OTOG: variants seen among roughly 807,000 people sequenced by gnomAD.
The protein encoded by OTOG is otogelin.
OTOG carries 296 observed loss-of-function variants against 313.8 expected under a neutral mutation model. The ratio of observed to expected loss-of-function variants is 0.94; its 90% CI spans 0.86 to 1.04. OTOG has a LOEUF of 1.04. Among genes scored for constraint, OTOG ranks in the 50% least tolerant of loss-of-function variants. The pLI is 0.00. For missense variants in OTOG, 3,948 were observed against 3,840.1 expected, an observed-to-expected ratio of 1.03 and a Z score of -0.74; for synonymous variants, 1,533 against 1,554.9, an observed-to-expected ratio of 0.99 and a Z score of 0.33.
chr11:17,593,725 C>A lies in OTOG; in HGVS notation c.3257C>A (p.Thr1086Lys), dbSNP rs1853013564. ...HITLLWDQRT[T>K]VHVQAGPQWQ... The stretch of plus-strand genomic sequence containing the variant: ...ACCCTCTTGTGGGACCAGAGAACCA[C>A]AGTGCACGTCCAGGCTGGGCCTCAG... Residue 1086 changes from threonine (T) to lysine (K), a missense_variant, in exon 27 of 56, where the codon ACA (threonine) becomes AAA (lysine). By Grantham distance (78) the Thr-to-Lys change is moderately conservative. Coordinates refer to ENST00000399397, the MANE Select transcript of OTOG (RefSeq NM_001292063.2). 1.9e-6 allele frequency: 3 copies of A among 1,548,806 alleles called. No individual in the cohort carries two copies.
chr11:17,566,694 CTAT>C (rs1272067798), intron 15 of OTOG, among the ~76,000 whole-genome samples: 1 of 152,146 alleles, frequency 6.6e-6, no homozygotes, highest in East Asian at 1.9e-4. Flanking sequence ...ATGTATATTC[CTAT>C]TATTAACGCA....
intron 24 of OTOG, 75 bp downstream of exon 24, chr11:17,586,656 T>C (rs540783049): frequency 1.5e-6 from 1 of 658,674 alleles, no homozygotes; most frequent in Non-Finnish European, 2.3e-6. Flanking sequence ...ATCAAGAGTA[T>C]AGTCTAGCAT....
intron 32 of OTOG, 141 bp from the exon 33 acceptor site, chr11:17,605,716 T>A (rs1853366518): frequency 2.2e-6 from 2 of 891,148 alleles, no homozygotes; most frequent in Non-Finnish European, 3.3e-6. Context: ...GGCTGGGGGC[T>A]GGTGTAGGGG....
rs1565090995 is a variant in OTOG, at chr11:17,558,198, C to CCTCCAGG, written c.879_880insCTCCAGG (p.Asp294LeufsTer6). The stretch of plus-strand genomic sequence containing the variant: ...TCCCTCCTCCAGGGAAGCTGACTGA[C>CCTCCAGG]GACGTGGTTGAGTTTGTGCACAGCT... On this transcript the variant is annotated frameshift_variant, in exon 9 of 56. Transcript: ENST00000399397. LOFTEE classifies it high-confidence loss of function. The CCTCCAGG allele has an allele frequency of 2.6e-6, 4 of 1,550,462 alleles. No homozygotes were observed. The East Asian group carries it at 9.8e-5, about 38-fold the overall frequency.
intron 10 of OTOG, 62 bp from the exon 11 acceptor site, chr11:17,558,990 T>C (rs1272527306): frequency 3.8e-6 from 5 of 1,305,350 alleles, no homozygotes; most frequent in Admixed American, 2.0e-5. Flanking sequence ...GTCTATGGGA[T>C]GCTGGTGGGC....
intron 15 of OTOG, among the ~76,000 whole-genome samples, chr11:17,567,531 G>C (rs1179517172): frequency 6.6e-6 from 1 of 152,178 alleles, no homozygotes; most frequent in Non-Finnish European, 1.5e-5. Context: ...TTTTTGTAGA[G>C]ACAGGGTCTC....
intron 24 of OTOG, 67 bp downstream of exon 24, chr11:17,586,648 C>A: frequency 2.6e-6 from 2 of 758,576 alleles, no homozygotes; most frequent in Non-Finnish European, 3.8e-6. Context: ...GGTGCATAAT[C>A]AAGAGTATAG....
intron 23 of OTOG, among the ~76,000 whole-genome samples, chr11:17,579,266 G>A (rs2190455): frequency 0.99 from 151,518 of 152,322 alleles, 75,365 homozygotes; most frequent in Middle Eastern, 1. Context: ...AAAGCCTAGG[G>A]AAATGACATG....
rs1234407352 is a variant in OTOG at position 17,613,721 on chromosome 11, A to G, written c.6528+20A>G. 2 of 1,546,182 alleles carry G rather than the reference A, an allele frequency of 1.3e-6. No individual in the cohort carries two copies. Among genetic ancestry groups the G allele is most frequent in the Non-Finnish European group, 1.7e-6 (2 of 1,143,266 alleles). On this transcript the variant is annotated intron_variant, in intron 39 of 55. Coordinates refer to ENST00000399397, the MANE Select transcript of OTOG (RefSeq NM_001292063.2). ...CGAAAGGTGAGTGCATCAAACAGCC[A>G]GCCTCCAGGGCAGGGCCACAGTCAG...
At position 17,569,877 on chromosome 11, in the gene OTOG, G is replaced by A. The variant is rs79193698; in HGVS notation, c.1778-336G>A. ...AAAACTGTGTTGTGGCCACTGTGAA[G>A]AGAATGGGTAGTTACAGAATCCTCC... On this transcript the variant is annotated intron_variant, in intron 16 of 55. Transcript: ENST00000399397. 7.2e-3 allele frequency among the ~76,000 whole-genome samples: 1,104 copies of A among 152,316 alleles called. 18 individuals are homozygous for A. The highest frequency in any genetic ancestry group is 0.02 in the African/African-American group (834 of 41,572).
intron 22 of OTOG, among the ~76,000 whole-genome samples, chr11:17,577,980 G>A (rs1200752193): frequency 6.6e-6 from 1 of 152,108 alleles, no homozygotes; most frequent in African/African-American, 2.4e-5. Context: ...CCCTGCTCCT[G>A]GTCCCTCTGG....
Position 17,635,064 on chromosome 11 carries a change from T to A in OTOG, c.7586-16T>A. 1.9e-6 allele frequency: 3 copies of A among 1,544,066 alleles called. No individual in the cohort carries two copies. Among genetic ancestry groups the A allele is most frequent in the Non-Finnish European group, 2.6e-6 (3 of 1,142,430 alleles). On this transcript the variant is annotated splice_polypyrimidine_tract_variant and intron_variant, in intron 45 of 55. Transcript: ENST00000399397. Reference sequence around the variant, plus strand: ...CAGGTTCCTCTCCCAGCACCTAAATTCAGCCTTTTCCCCAGAGTGTGACCC... The same window carrying A: ...CAGGTTCCTCTCCCAGCACCTAAATACAGCCTTTTCCCCAGAGTGTGACCC...
chr11:17,557,278 G>C lies in OTOG; in HGVS notation c.820G>C (p.Gly274Arg). ...ELLGWTHGLC[G>R]NNNADPKDDL... ...TCTGGGCTGGACCCATGGGCTGTGT[G>C]GGAACAACAATGCTGACCCCAAGGA... Residue 274 changes from glycine (G) to arginine (R), a missense_variant, in exon 8 of 56, where the codon GGG becomes CGG. Transcript: ENST00000399397. 1 of 1,550,660 alleles carries C rather than the reference G, an allele frequency of 6.4e-7. No individual in the cohort carries two copies.
chr11:17,643,457 C>G lies in OTOG; in HGVS notation c.8416-4C>G. On this transcript the variant is annotated splice_polypyrimidine_tract_variant and splice_region_variant and intron_variant, in intron 53 of 55. Coordinates refer to ENST00000399397, the MANE Select transcript of OTOG (RefSeq NM_001292063.2). ...ACCTACCTCCCCCGACTTCCTCTCT[C>G]TAGGTTGGGGGTTCCGTGGTACCTT... The G allele has an allele frequency of 6.9e-7, 1 of 1,448,056 alleles. No homozygotes were observed. 89.7% of individuals were successfully genotyped at this position (1,448,056 alleles called of 1,614,324 possible).
intron 43 of OTOG, 23 bp downstream of exon 43, chr11:17,633,897 T>A: frequency 6.6e-7 from 1 of 1,507,986 alleles, no homozygotes; most frequent in East Asian, 2.5e-5. Context: ...CCTCCCTGAG[T>A]GGGGGGCCTC....
Position 17,573,253 on chromosome 11 carries a change from G to A in OTOG, c.2256G>A (p.Gly752=). The stretch of plus-strand genomic sequence containing the variant: ...ACGCCCACCTGTGCCGGCGCCATGG[G>A]CTCCCCGTTGATTTCCGCGCCCGCC... ...AHYAHLCRRH[G]LPVDFRARLP... is the part of the protein sequence containing the mutation. Residue 752 remains glycine, a synonymous_variant, in exon 19 of 56, where the codon GGG becomes GGA. Transcript: ENST00000399397. The A allele has an allele frequency of 1.3e-6, 2 of 1,531,534 alleles. No homozygotes were observed. Among genetic ancestry groups the A allele is most frequent in the Non-Finnish European group, 8.7e-7 (1 of 1,143,252 alleles). 94.9% of individuals were successfully genotyped at this position (1,531,534 alleles called of 1,614,324 possible).
chr11:17,629,780 C>A (rs77183621), intron 40 of OTOG, among the ~76,000 whole-genome samples: 5,575 of 152,282 alleles, frequency 0.037, 118 homozygotes, highest in South Asian at 0.088. Flanking sequence ...ATACACAGAA[C>A]TAATGCTCTT....
intron 17 of OTOG, 113 bp downstream of exon 17, chr11:17,570,503 T>A (rs1016171715): frequency 1.0e-5 from 10 of 988,394 alleles, no homozygotes; most frequent in Non-Finnish European, 1.5e-5. Flanking sequence ...GTGCCCAGCA[T>A]GCACCATTAG....
Position 17,592,866 on chromosome 11 carries a change from G to T in OTOG, c.3007-327G>T, listed in dbSNP as rs11024332. ...ATATTCAATGCCAGCAAATTCCCCTGCAAAAAGCTTACACTAGCATCAAGG... is the reference window on the plus strand; with the variant it reads ...ATATTCAATGCCAGCAAATTCCCCTTCAAAAAGCTTACACTAGCATCAAGG... On this transcript the variant is annotated intron_variant, in intron 25 of 55. Coordinates refer to ENST00000399397, the MANE Select transcript of OTOG (RefSeq NM_001292063.2). Among the ~76,000 whole-genome samples the T allele has an allele frequency of 0.15, 22,726 of 152,186 alleles. 1,811 individuals are homozygous for T. The highest frequency in any genetic ancestry group is 0.2 in the East Asian group (1,060 of 5,176).
Sources: gnomAD v4.1 joint callset for allele counts (sites outside exome capture counted in the v4.1 genomes callset) on GRCh38, gnomAD v4.1.1 for gene constraint, MANE v1.5 for transcripts, NCBI Gene and HGNC (gene_info 2026-07-23, HGNC 2026-07-21) for gene names.